The following NPL variants were observed in gnomAD, a reference collection of about 807,000 sequenced individuals.
The protein encoded by NPL is N-acetylneuraminate lyase.
NPL carries 32 observed loss-of-function variants against 41.1 expected under a neutral mutation model. The ratio of observed to expected loss-of-function variants is 0.78; its 90% CI spans 0.59 to 1.05. NPL has a LOEUF of 1.05. Ranked by LOEUF, NPL falls within the 50% of genes least tolerant of loss-of-function variation. The pLI is 0.00. For synonymous variants in NPL, 128 were observed against 134.9 expected, an observed-to-expected ratio of 0.95 and a Z score of 0.35; for missense variants, 321 against 378.4, an observed-to-expected ratio of 0.85 and a Z score of 1.26.
intron 1 of NPL, among the ~76,000 whole-genome samples, chr1:182,790,484 T>C (rs1159034801): frequency 1.3e-5 from 2 of 152,230 alleles, no homozygotes; most frequent in African/African-American, 4.8e-5. Context: ...AAGCATAACA[T>C]TCCCAAGTTT....
chr1:182,798,050 TC>T (rs966292965), intron 3 of NPL, among the ~76,000 whole-genome samples: 1 of 152,114 alleles, frequency 6.6e-6, no homozygotes, highest in Non-Finnish European at 1.5e-5. Flanking sequence ...ATTTACATGT[TC>T]CCACTTAATC....
chr1:182,809,485 A>G (rs1667116791), intron 5 of NPL, among the ~76,000 whole-genome samples: 1 of 151,404 alleles, frequency 6.6e-6, no homozygotes, highest in Non-Finnish European at 1.5e-5. Flanking sequence ...GGTTGCAGTG[A>G]GCTGAGATTG....
chr1:182,810,993 C>G (rs1463943386), intron 5 of NPL, among the ~76,000 whole-genome samples: 1 of 152,166 alleles, frequency 6.6e-6, no homozygotes, highest in Non-Finnish European at 1.5e-5. Context: ...TGTACCACCT[C>G]TCAATTAGAT....
At chr1:182,801,211 C>T (rs574895748) in intron 3 of NPL, among the ~76,000 whole-genome samples, 1 of 152,272 alleles carries the variant, frequency 6.6e-6, no homozygotes, top group South Asian at 2.1e-4. Context: ...ATGACCACTG[C>T]CCCCAAAATT....
chr1:182,808,497 A>G (rs771995509), intron 5 of NPL, among the ~76,000 whole-genome samples: 9 of 152,202 alleles, frequency 5.9e-5, no homozygotes, highest in Non-Finnish European at 8.8e-5. Context: ...GATCCTCACA[A>G]AAAGTTTTCT....
chr1:182,806,744 GAT>G (rs1170885169), intron 5 of NPL, among the ~76,000 whole-genome samples: 1 of 152,180 alleles, frequency 6.6e-6, no homozygotes, highest in African/African-American at 2.4e-5. Context: ...TCCATGCAGT[GAT>G]AAATTTTTGT....
chr1:182,797,736 C>T (rs976189403), intron 3 of NPL, among the ~76,000 whole-genome samples: 1 of 152,210 alleles, frequency 6.6e-6, no homozygotes, highest in African/African-American at 2.4e-5. Context: ...GATCCCATAG[C>T]ACCCTTTTTG....
At chr1:182,806,575 C>T (rs1667017124) in intron 5 of NPL, 1 of 1,530,324 alleles carries the variant, frequency 6.5e-7, no homozygotes, top group African/African-American at 1.4e-5. Flanking sequence ...TCACTTGGCT[C>T]TTCCACTGAG....
Position 182,794,391 on chromosome 1 carries a change from A to G in NPL, c.20A>G (p.Lys7Arg). 1 of 1,614,220 alleles carries G rather than the reference A, an allele frequency of 6.2e-7. No individual in the cohort carries two copies. The highest frequency in any genetic ancestry group is 8.5e-7 in the Non-Finnish European group (1 of 1,180,038). Residue 7 changes from lysine to arginine, a missense_variant, in exon 3 of 13, where the codon AAA (lysine) becomes AGA (arginine). By Grantham distance (26) the Lys-to-Arg change is conservative. Coordinates refer to ENST00000367553, the MANE Select transcript of NPL (RefSeq NM_030769.3). MAFPKK[K>R]LQGLVAATIT... is the part of the protein sequence containing the mutation. ...AGCTCAATGGCCTTCCCAAAGAAGA[A>G]ACTTCAGGGTCTTGTGGCTGCAACC...
chr1:182,789,831 G>C (rs1432527570), intron 1 of NPL, 26 bp downstream of exon 1: 1 of 152,570 alleles, frequency 6.6e-6, no homozygotes, highest in African/African-American at 2.4e-5. Context: ...GACGGCACGG[G>C]CTAGGACAGA....
chr1:182,807,490 A>G (rs754818313), intron 5 of NPL, among the ~76,000 whole-genome samples: 13 of 152,112 alleles, frequency 8.5e-5, no homozygotes, highest in Non-Finnish European at 1.5e-4. Flanking sequence ...CTGGTGAGTC[A>G]TCAGCTTTCA....
At chr1:182,815,366 A>G (rs1264185276) in intron 7 of NPL, among the ~76,000 whole-genome samples, 3 of 152,236 alleles carry the variant, frequency 2.0e-5, no homozygotes, top group East Asian at 1.9e-4. Context: ...GTGTCTAAGT[A>G]TACCAAGTCT....
chr1:182,821,109 C>T (rs976105029), intron 10 of NPL, among the ~76,000 whole-genome samples: 4 of 152,176 alleles, frequency 2.6e-5, no homozygotes, highest in Admixed American at 6.5e-5. Context: ...TTCTTCCTTG[C>T]TCTATTGCCA....
chr1:182,823,799 C>CCCA (rs1667554379), intron 11 of NPL, among the ~76,000 whole-genome samples: 1 of 152,180 alleles, frequency 6.6e-6, no homozygotes, highest in Non-Finnish European at 1.5e-5. Flanking sequence ...CCCTCTTAGT[C>CCCA]CCACTCTAAA....
intron 6 of NPL, among the ~76,000 whole-genome samples, chr1:182,813,108 G>A (rs552987930): frequency 1.3e-5 from 2 of 149,886 alleles, no homozygotes; most frequent in Admixed American, 6.7e-5. Flanking sequence ...AGCCAAGATC[G>A]TGTCACTGCA....
intron 5 of NPL, among the ~76,000 whole-genome samples, chr1:182,807,087 C>T (rs544658954): frequency 1.3e-5 from 2 of 152,312 alleles, no homozygotes; most frequent in Admixed American, 6.5e-5. Flanking sequence ...ATCCACCGGT[C>T]TTGGCCTCCC....
At chr1:182,802,018 T>G (rs1367107991) in intron 3 of NPL, among the ~76,000 whole-genome samples, 1 of 152,238 alleles carries the variant, frequency 6.6e-6, no homozygotes, top group Non-Finnish European at 1.5e-5. Flanking sequence ...GTATACTATC[T>G]TCTTTAATTA....
At chr1:182,808,738 T>C (rs759318956) in intron 5 of NPL, among the ~76,000 whole-genome samples, 19 of 152,028 alleles carry the variant, frequency 1.2e-4, no homozygotes, top group Non-Finnish European at 1.9e-4. Context: ...GCAGATTGCT[T>C]AAGCCCAGGA....
intron 11 of NPL, among the ~76,000 whole-genome samples, chr1:182,825,503 G>C (rs1433154281): frequency 6.6e-6 from 1 of 152,178 alleles, no homozygotes; most frequent in Non-Finnish European, 1.5e-5. Context: ...AGATGGATAA[G>C]GGGTGTGATT....
Sources: gnomAD v4.1 joint callset for allele counts (sites outside exome capture counted in the v4.1 genomes callset) on GRCh38, gnomAD v4.1.1 for gene constraint, MANE v1.5 for transcripts, NCBI Gene and HGNC (gene_info 2026-07-23, HGNC 2026-07-21) for gene names.